CCNB3: variants seen among roughly 807,000 people sequenced by gnomAD.
The protein encoded by CCNB3 is cyclin B3.
CCNB3 carries 12 observed loss-of-function variants against 68.0 expected under a neutral mutation model. The ratio of observed to expected loss-of-function variants is 0.18; its 90% confidence interval spans 0.11 to 0.29. CCNB3 has a LOEUF of 0.29. Ranked by LOEUF, CCNB3 falls within the 10% of genes least tolerant of loss-of-function variation. The pLI is 1.00. For missense variants in CCNB3, 904 were observed against 993.1 expected (o/e 0.91, Z 1.21); for synonymous variants, 354 against 388.9 (o/e 0.91, Z 1.06).
chrX:50,279,753 T>C (rs1184879960), intron 1 of CCNB3, among the ~76,000 whole-genome samples: 3 of 89,747 alleles, frequency 3.3e-5, no homozygotes, highest in Non-Finnish European at 4.2e-5. Context: ...TATTCATATA[T>C]GTAAATATAT....
intron 1 of CCNB3, among the ~76,000 whole-genome samples, chrX:50,227,019 AT>A (rs1935860326): frequency 1.3e-5 from 1 of 79,121 alleles, no homozygotes; most frequent in Non-Finnish European, 2.2e-5. Context: ...AATATATAAA[AT>A]ATATATACAA....
chrX:50,311,327 T>C lies in CCNB3; in HGVS notation c.3158T>C (p.Ile1053Thr). Residue 1053 changes from isoleucine to threonine, a missense_variant, in exon 6 of 13, where the codon ATT (isoleucine) becomes ACT (threonine). Transcript: ENST00000376042. ...TFLETFLIPQ[I>T]GTSPYVFSTT... The stretch of plus-strand genomic sequence containing the variant: ...CTGGAAACATTCTTGATCCCCCAAA[T>C]TGGAACCAGCCCATATGTGTTTAGC... 9.1e-6 allele frequency: 11 copies of C among 1,211,251 alleles called. No homozygotes were observed. Among genetic ancestry groups the C allele is most frequent in the Non-Finnish European group, 1.2e-5 (11 of 895,413 alleles).
intron 7 of CCNB3, among the ~76,000 whole-genome samples, chrX:50,312,902 A>G (rs1365086025): frequency 2.7e-5 from 3 of 110,992 alleles, no homozygotes; most frequent in South Asian, 3.9e-4. Context: ...TAAGTGGTAC[A>G]TGGTAGAGCT....
rs782802573 is a variant in CCNB3, at chrX:50,305,063, G to T, written c.336-3442G>T. 3.7e-3 allele frequency among the ~76,000 whole-genome samples: 412 copies of T among 111,667 alleles called. 4 individuals carry two copies. The highest frequency in any genetic ancestry group is 0.013 in the African/African-American group (393 of 30,699). On this transcript the variant is annotated intron_variant, in intron 5 of 12. Transcript: ENST00000376042. Reference sequence around the variant, plus strand: ...CACTTTTACACTGTTGGTGGGACTGGAAACTAGTTCAACCCTTGTGGAAGT... The same window carrying T: ...CACTTTTACACTGTTGGTGGGACTGTAAACTAGTTCAACCCTTGTGGAAGT...
chrX:50,228,387 T>G (rs1935966153), intron 1 of CCNB3, among the ~76,000 whole-genome samples: 1 of 87,033 alleles, frequency 1.1e-5, no homozygotes, highest in Non-Finnish European at 2.2e-5. Flanking sequence ...AGAGGATATA[T>G]CTACATAAAT....
At chrX:50,337,749 G>T (rs782008820) in intron 8 of CCNB3, among the ~76,000 whole-genome samples, 5 of 111,392 alleles carry the variant, frequency 4.5e-5, no homozygotes, top group Non-Finnish European at 9.4e-5. Context: ...CACACCACAC[G>T]CACACCACAA....
At chrX:50,325,916 T>A (rs1922274817) in intron 8 of CCNB3, among the ~76,000 whole-genome samples, 1 of 111,431 alleles carries the variant, frequency 9.0e-6, no homozygotes, top group African/African-American at 3.3e-5. Flanking sequence ...TTTTTTTTAT[T>A]ATCCTTTCTT....
chrX:50,319,627 G>C (rs893782831), intron 8 of CCNB3, among the ~76,000 whole-genome samples: 25 of 110,959 alleles, frequency 2.3e-4, no homozygotes, highest in African/African-American at 6.2e-4. Context: ...TATACTGCCT[G>C]AGACTTCCAT....
Position 50,337,318 on chromosome X carries a change from G to A in CCNB3, c.3517-4884G>A, listed in dbSNP as rs147741001. On this transcript the variant is annotated intron_variant, in intron 8 of 12. Coordinates refer to ENST00000376042, the MANE Select transcript of CCNB3 (RefSeq NM_033031.3). ...TACCAATTCCTGCCATGATTCTTCC[G>A]GTGTTGGCTCGGACAGGACTTTTGG... Among the ~76,000 whole-genome samples, 403 of 110,788 alleles carry A rather than the reference G, an allele frequency of 3.6e-3. 3 individuals are homozygous for A. The highest frequency in any genetic ancestry group is 0.013 in the African/African-American group (384 of 30,407).
chrX:50,210,791 T>C (rs1935469804), intron 1 of CCNB3, among the ~76,000 whole-genome samples: 1 of 111,664 alleles, frequency 9.0e-6, no homozygotes, highest in Non-Finnish European at 1.9e-5. Flanking sequence ...TTGTTAGCTA[T>C]GACCAGAGCT....
At chrX:50,288,974 C>T in intron 4 of CCNB3, 87 bp downstream of exon 4, 1 of 580,508 alleles carries the variant, frequency 1.7e-6, no homozygotes, top group Non-Finnish European at 2.7e-6. Flanking sequence ...CTTTACCAGA[C>T]CCTCTCTGGA....
intron 1 of CCNB3, among the ~76,000 whole-genome samples, chrX:50,226,541 AATAT>A (rs1219685755): frequency 2.6e-5 from 1 of 38,057 alleles, no homozygotes; most frequent in East Asian, 7.2e-4. Flanking sequence ...AGAATATATG[AATAT>A]ATATATAGAA....
rs1418564904 is a variant in CCNB3, at chrX:50,226,977, A to G, written c.-113+22027A>G. ...TATAGTATATATATAGAATATATAT[A>G]GTATATATATAGAATATATAAATAT... On this transcript the variant is annotated intron_variant, in intron 1 of 12. Coordinates refer to ENST00000376042, the MANE Select transcript of CCNB3 (RefSeq NM_033031.3). 4.0e-5 allele frequency among the ~76,000 whole-genome samples: 3 copies of G among 74,629 alleles called. No individual in the cohort carries two copies. In the East Asian group the frequency reaches 1.1e-3, roughly 28 times the overall value. The allele number at this position is 74,629 out of a possible 115,157, so 64.8% of individuals were successfully genotyped here. A position where few individuals can be genotyped will look rare whatever the true frequency, so the allele number is the denominator to read the frequency against.
chrX:50,299,247 C>T (rs1389200168), intron 5 of CCNB3, among the ~76,000 whole-genome samples: 12 of 111,149 alleles, frequency 1.1e-4, no homozygotes, highest in Non-Finnish European at 2.1e-4. Context: ...TTAGATCTTT[C>T]CTGCTTTCTC....
intron 7 of CCNB3, among the ~76,000 whole-genome samples, chrX:50,313,558 T>C (rs1047656385): frequency 1.4e-4 from 16 of 112,196 alleles, no homozygotes; most frequent in Non-Finnish European, 1.9e-5. Context: ...TATTGTGCTT[T>C]AGATTGAATT....
intron 5 of CCNB3, among the ~76,000 whole-genome samples, chrX:50,302,436 G>T (rs1302127387): frequency 2.7e-5 from 3 of 111,929 alleles, no homozygotes; most frequent in African/African-American, 9.7e-5. Context: ...TAATCATTAA[G>T]TCTTTATTTT....
intron 9 of CCNB3, among the ~76,000 whole-genome samples, chrX:50,345,240 G>A (rs1923343929): frequency 9.3e-6 from 1 of 107,994 alleles, no homozygotes; most frequent in African/African-American, 3.4e-5. Context: ...GTGCCAGCTT[G>A]CTTGCTCCCT....
At chrX:50,348,711 G>A (rs1471249035) in intron 11 of CCNB3, among the ~76,000 whole-genome samples, 1 of 112,576 alleles carries the variant, frequency 8.9e-6, no homozygotes, top group Non-Finnish European at 1.9e-5. Context: ...TGATAGTACC[G>A]TTATCCCTGT....
intron 9 of CCNB3, among the ~76,000 whole-genome samples, chrX:50,345,704 G>T (rs2147103390): frequency 8.9e-6 from 1 of 111,760 alleles, no homozygotes; most frequent in African/African-American, 3.3e-5. Context: ...AAAGCCTTTT[G>T]TTTAGGGGAG....
Sources: allele counts gnomAD v4.1 joint callset (sites outside exome capture counted in the v4.1 genomes callset), GRCh38; gene constraint gnomAD v4.1.1; transcripts MANE v1.5; gene names NCBI Gene and HGNC (gene_info 2026-07-23, HGNC 2026-07-21).